Variants in RBFOX1 observed in about 807,000 individuals in gnomAD.
The protein encoded by RBFOX1 is RNA binding protein fox-1 homolog 1.
In RBFOX1, 8 loss-of-function variants were observed where a neutral mutation model predicts 57.7. That is an observed-to-expected ratio of 0.14 (90% CI 0.08 to 0.25). The LOEUF (loss-of-function observed/expected upper bound fraction) is 0.25. RBFOX1 is among the 10% of genes least tolerant of loss of function. RBFOX1 has a pLI of 1.00. For synonymous variants in RBFOX1, 326 were observed against 222.4 expected, an observed-to-expected ratio of 1.47 and a Z score of -4.15; for missense variants, 611 against 548.5, an observed-to-expected ratio of 1.11 and a Z score of -1.14.
chr16:5,319,409 C>T (rs1340265375), intron 1 of RBFOX1, among the ~76,000 whole-genome samples: 2 of 152,116 alleles, frequency 1.3e-5, no homozygotes, highest in African/African-American at 4.8e-5. Context: ...GACTGTCTGC[C>T]CTCCCACTGG....
rs35864335 is a variant in RBFOX1 at position 7,142,912 on chromosome 16, AT to A, written c.27+90826del. Among the ~76,000 whole-genome samples the A allele has an allele frequency of 4.6e-3, 682 of 147,340 alleles. 4 individuals carry two copies. The highest frequency in any genetic ancestry group is 5.6e-3 in the African/African-American group (223 of 40,068). ...TCATCTGCAGACACATCTGCAGAGTATTTTTTTTTTTTCTGTGAGAATCCAT... is the reference window on the plus strand; with the variant it reads ...TCATCTGCAGACACATCTGCAGAGTATTTTTTTTTTTCTGTGAGAATCCAT... On this transcript the variant is annotated intron_variant, in intron 4 of 15. Transcript: ENST00000550418.
chr16:6,004,673 C>G (rs1395256541), intron 4 of RBFOX1, among the ~76,000 whole-genome samples: 1 of 152,178 alleles, frequency 6.6e-6, no homozygotes, highest in Non-Finnish European at 1.5e-5. Context: ...TTTAATGCCC[C>G]TTGCCTTGAG....
At chr16:6,819,164 A>T (rs62016149) in intron 3 of RBFOX1, among the ~76,000 whole-genome samples, 1 of 152,146 alleles carries the variant, frequency 6.6e-6, no homozygotes, top group African/African-American at 2.4e-5. Context: ...GACCCCTGTG[A>T]GCCTTGTACA....
At chr16:6,816,538 A>T (rs569294546) in intron 3 of RBFOX1, among the ~76,000 whole-genome samples, 1 of 151,650 alleles carries the variant, frequency 6.6e-6, no homozygotes, top group South Asian at 2.1e-4. Flanking sequence ...TCAGGAGATG[A>T]AGACCATCCT....
At chr16:7,034,848 C>CTTTTGTTTTTTTTTTTTTTTTTT in intron 3 of RBFOX1, among the ~76,000 whole-genome samples, 1 of 30,838 alleles carries the variant, frequency 3.2e-5, no homozygotes, top group East Asian at 1.9e-3. Flanking sequence ...TTTCTTTTTT[C>CTTTTGTTTTTTTTTTTTTTTTTT]TTTTTTTTTT....
At chr16:7,040,538 T>C (rs35113713) in intron 3 of RBFOX1, among the ~76,000 whole-genome samples, 14,198 of 151,530 alleles carry the variant, frequency 0.094, 1,123 homozygotes, top group East Asian at 0.32. Flanking sequence ...AGATTAAAAA[T>C]GAGAAAACCT....
At chr16:7,472,293 C>G (rs2061700405) in intron 4 of RBFOX1, among the ~76,000 whole-genome samples, 1 of 147,314 alleles carries the variant, frequency 6.8e-6, no homozygotes, top group Admixed American at 6.8e-5. Context: ...ACATGGAGTA[C>G]CATGTATTTA....
At chr16:5,828,219 C>T (rs1240787043) in intron 3 of RBFOX1, among the ~76,000 whole-genome samples, 1 of 152,172 alleles carries the variant, frequency 6.6e-6, no homozygotes, top group Non-Finnish European at 1.5e-5. Context: ...ACCCATTCAT[C>T]TGTCCATTCA....
At chr16:6,378,845 C>G (rs926195799) in intron 2 of RBFOX1, among the ~76,000 whole-genome samples, 4 of 152,020 alleles carry the variant, frequency 2.6e-5, no homozygotes, top group Admixed American at 2.0e-4. Flanking sequence ...ATTACTCTTC[C>G]TAGAGTGTGC....
At chr16:5,865,034 G>A (rs998123907) in intron 3 of RBFOX1, among the ~76,000 whole-genome samples, 1 of 152,160 alleles carries the variant, frequency 6.6e-6, no homozygotes, top group Non-Finnish European at 1.5e-5. Flanking sequence ...CACCTAATGG[G>A]GGGAATAAGA....
Position 7,710,736 on chromosome 16 carries a change from T to C in RBFOX1, c.1185T>C (p.Ala395=). 1 of 1,589,992 alleles carries C rather than the reference T, an allele frequency of 6.3e-7. No homozygotes were observed. Among genetic ancestry groups the C allele is most frequent in the Non-Finnish European group, 8.5e-7 (1 of 1,171,636 alleles). ...SIYRGGYNRF[A]PY ...ACCGAGGGGGATACAACCGTTTTGC[T>C]CCATACTAAATGACAAAACCATAAA... is the stretch of plus-strand genomic sequence containing the variant. Residue 395 remains alanine, a synonymous_variant, in exon 16 of 16, where the codon GCT becomes GCC. Coordinates refer to ENST00000550418, the MANE Select transcript of RBFOX1 (RefSeq NM_018723.4).
intron 2 of RBFOX1, among the ~76,000 whole-genome samples, chr16:5,580,539 C>T (rs998582990): frequency 6.6e-6 from 1 of 152,212 alleles, no homozygotes; most frequent in African/African-American, 2.4e-5. Flanking sequence ...GCCAGGGCTG[C>T]TTGGCTGAGG....
At chr16:5,283,947 GC>G (rs1326872778) in intron 1 of RBFOX1, among the ~76,000 whole-genome samples, 1 of 152,104 alleles carries the variant, frequency 6.6e-6, no homozygotes, top group Admixed American at 6.6e-5. Flanking sequence ...ATATGGTTTG[GC>G]TGTGTCCCCA....
chr16:6,796,005 T>C (rs146341221), intron 3 of RBFOX1, among the ~76,000 whole-genome samples: 15 of 152,206 alleles, frequency 9.9e-5, no homozygotes, highest in African/African-American at 3.6e-4. Flanking sequence ...TCATGGTTAC[T>C]GTATTAGTCC....
intron 2 of RBFOX1, among the ~76,000 whole-genome samples, chr16:6,611,267 C>T (rs2098047050): frequency 6.6e-6 from 1 of 152,176 alleles, no homozygotes; most frequent in African/African-American, 2.4e-5. Flanking sequence ...CTGCCTCAGC[C>T]TCCCAAATAG....
intron 3 of RBFOX1, among the ~76,000 whole-genome samples, chr16:5,708,677 A>G (rs2051341621): frequency 6.6e-6 from 1 of 152,192 alleles, no homozygotes; most frequent in Non-Finnish European, 1.5e-5. Context: ...TGCACAACAC[A>G]TGCCACCTAC....
chr16:6,580,259 G>A (rs1225129580), intron 2 of RBFOX1, among the ~76,000 whole-genome samples: 1 of 152,122 alleles, frequency 6.6e-6, no homozygotes, highest in Non-Finnish European at 1.5e-5. Context: ...GCCCGGCCAG[G>A]CCTGTTCATC....
At chr16:6,674,392 G>GCTCAC (rs1184798287) in intron 3 of RBFOX1, among the ~76,000 whole-genome samples, 2 of 151,818 alleles carry the variant, frequency 1.3e-5, no homozygotes, top group African/African-American at 2.4e-5. Flanking sequence ...TGCGATCTCA[G>GCTCAC]CTCACCTCAA....
intron 3 of RBFOX1, among the ~76,000 whole-genome samples, chr16:5,705,349 A>G (rs2051202598): frequency 6.6e-6 from 1 of 152,000 alleles, no homozygotes; most frequent in Non-Finnish European, 1.5e-5. Context: ...GCAACCTCGA[A>G]CTTCTGGGCT....
Sources: gnomAD v4.1 joint callset for allele counts (sites outside exome capture counted in the v4.1 genomes callset) on GRCh38, gnomAD v4.1.1 for gene constraint, MANE v1.5 for transcripts, NCBI Gene and HGNC (gene_info 2026-07-23, HGNC 2026-07-21) for gene names.